MYOZ3: variants seen among roughly 807,000 people sequenced by gnomAD.
The protein encoded by MYOZ3 is myozenin-3.
In MYOZ3, 19 loss-of-function variants were observed where a neutral mutation model predicts 26.5. The observed-to-expected ratio is 0.72, with a 90% confidence interval of 0.50 to 1.05. The LOEUF (loss-of-function observed/expected upper bound fraction) is 1.05. MYOZ3 is among the 50% of genes least tolerant of loss of function. MYOZ3 has a pLI of 0.00. For synonymous variants in MYOZ3, 135 were observed against 138.8 expected, an observed-to-expected ratio of 0.97 and a Z score of 0.19; for missense variants, 322 against 337.1, an observed-to-expected ratio of 0.96 and a Z score of 0.35.
At chr5:150,664,299 C>A (rs993909072) in intron 2 of MYOZ3, among the ~76,000 whole-genome samples, 2 of 152,164 alleles carry the variant, frequency 1.3e-5, no homozygotes, top group African/African-American at 4.8e-5. Context: ...TATGCACATT[C>A]TATGGGTACT....
chr5:150,662,939 A>T lies in MYOZ3; in HGVS notation c.-1-2A>T. 3 of 1,610,716 alleles carry T rather than the reference A, an allele frequency of 1.9e-6. No individual in the cohort carries two copies. The highest frequency in any genetic ancestry group is 2.5e-6 in the Non-Finnish European group (3 of 1,178,526). On this transcript the variant is annotated splice_acceptor_variant, in intron 1 of 6. Coordinates refer to ENST00000517768, the MANE Select transcript of MYOZ3 (RefSeq NM_001122853.3). LOFTEE classifies it low-confidence loss of function (5UTR_SPLICE). Reference sequence around the variant, plus strand: ...CCATTTATGGGGGTCTCTCCTCCACAGGATGATCCCCAAGGAGCAGAAGGG... The same window carrying T: ...CCATTTATGGGGGTCTCTCCTCCACTGGATGATCCCCAAGGAGCAGAAGGG...
rs1759035132 is a variant in MYOZ3, at chr5:150,677,480, A to C, written c.*605A>C. 1 of 152,552 alleles carries C rather than the reference A, an allele frequency of 6.6e-6. No individual in the cohort carries two copies. Among genetic ancestry groups the C allele is most frequent in the African/African-American group, 2.4e-5 (1 of 41,426 alleles). The allele number at this position is 152,552 out of a possible 1,614,324, so 9.4% of individuals were successfully genotyped here. A position where few individuals can be genotyped will look rare whatever the true frequency, so the allele number is the denominator to read the frequency against. On this transcript the variant is annotated 3_prime_UTR_variant, in exon 7 of 7. Coordinates refer to ENST00000517768, the MANE Select transcript of MYOZ3 (RefSeq NM_001122853.3). ...CAGTACTCCAGGTGATTCCAGCATA[A>C]CTTATCCATGGTTTGTGTCATTAGG...
At chr5:150,674,149 C>T (rs1758969146) in intron 6 of MYOZ3, among the ~76,000 whole-genome samples, 1 of 152,202 alleles carries the variant, frequency 6.6e-6, no homozygotes, top group South Asian at 2.1e-4. Context: ...AGTCACGAGC[C>T]ATTAACAGAC....
chr5:150,671,690 G>T, intron 4 of MYOZ3, 40 bp downstream of exon 4: 1 of 1,613,722 alleles, frequency 6.2e-7, no homozygotes, highest in Non-Finnish European at 8.5e-7. Context: ...GAAGCTGGGG[G>T]AAGGGGAGCG....
intron 1 of MYOZ3, among the ~76,000 whole-genome samples, chr5:150,662,336 G>A (rs762551411): frequency 6.6e-6 from 1 of 152,154 alleles, no homozygotes; most frequent in Admixed American, 6.5e-5. Context: ...GAAGGGACGA[G>A]GGAGAAGAGA....
chr5:150,669,003 C>T (rs1404055608), intron 2 of MYOZ3: 2 of 152,252 alleles, frequency 1.3e-5, no homozygotes, highest in Non-Finnish European at 2.9e-5. Context: ...AGCACCACTA[C>T]TTAGATGCCT....
At chr5:150,674,738 C>A (rs866238887) in intron 6 of MYOZ3, among the ~76,000 whole-genome samples, 1 of 152,178 alleles carries the variant, frequency 6.6e-6, no homozygotes. Context: ...TAAGGCCGGG[C>A]GCAGTGGCTC....
At chr5:150,674,280 G>C (rs1758970833) in intron 6 of MYOZ3, among the ~76,000 whole-genome samples, 1 of 152,188 alleles carries the variant, frequency 6.6e-6, no homozygotes, top group Admixed American at 6.5e-5. Flanking sequence ...TTCCAGGCTG[G>C]GCCACTCAGG....
intron 6 of MYOZ3, among the ~76,000 whole-genome samples, chr5:150,676,087 A>C (rs1278407377): frequency 2.0e-5 from 3 of 151,894 alleles, no homozygotes; most frequent in Admixed American, 6.6e-5. Context: ...TTCTCTCTCT[A>C]GTTTTGGGCC....
Position 150,676,952 on chromosome 5 carries a change from A to G in MYOZ3, c.*77A>G. 6.9e-7 allele frequency: 1 copy of G among 1,450,152 alleles called. No homozygotes were observed. The highest frequency in any genetic ancestry group is 2.3e-5 in the East Asian group (1 of 43,554). 89.8% of individuals were successfully genotyped at this position (1,450,152 alleles called of 1,614,324 possible). On this transcript the variant is annotated 3_prime_UTR_variant, in exon 7 of 7. Transcript: ENST00000517768. Reference sequence around the variant, plus strand: ...AGCCAAGACTTGTGGACAGCACTTCACAGTTGAAGAAGGGCCTTCACACAC... The same window carrying G: ...AGCCAAGACTTGTGGACAGCACTTCGCAGTTGAAGAAGGGCCTTCACACAC...
At chr5:150,664,671 A>C (rs1758781683) in intron 2 of MYOZ3, among the ~76,000 whole-genome samples, 2 of 152,194 alleles carry the variant, frequency 1.3e-5, no homozygotes, top group African/African-American at 4.8e-5. Flanking sequence ...GGAAATGAGA[A>C]TATTGAGGCT....
At chr5:150,673,549 C>T (rs1758958336) in intron 6 of MYOZ3, among the ~76,000 whole-genome samples, 1 of 152,054 alleles carries the variant, frequency 6.6e-6, no homozygotes, top group Non-Finnish European at 1.5e-5. Context: ...ACTATGTTGG[C>T]CGGGCTGGTC....
At chr5:150,662,833 C>A in intron 1 of MYOZ3, 108 bp from the exon 2 acceptor site, 2 of 921,974 alleles carry the variant, frequency 2.2e-6, no homozygotes, top group Middle Eastern at 2.6e-4. Context: ...TGATTTGGGG[C>A]TGGCCTAAAG....
At chr5:150,674,959 G>A (rs553028974) in intron 6 of MYOZ3, among the ~76,000 whole-genome samples, 17 of 152,300 alleles carry the variant, frequency 1.1e-4, no homozygotes, top group African/African-American at 4.1e-4. Context: ...GCAGTGTGCC[G>A]AGATCCTTCT....
Position 150,661,431 on chromosome 5 carries a change from C to G in MYOZ3, c.-2+4C>G, listed in dbSNP as rs1380438189. On this transcript the variant is annotated splice_donor_region_variant and intron_variant, in intron 1 of 6. Coordinates refer to ENST00000517768, the MANE Select transcript of MYOZ3 (RefSeq NM_001122853.3). ...TATTGTGGTCCCATCCTCTCAGGTA[C>G]CAGCATCCTAGGGGAGCTTGGGGAA... 4 of 152,364 alleles carry G rather than the reference C, an allele frequency of 2.6e-5. No individual in the cohort carries two copies. Among genetic ancestry groups the G allele is most frequent in the African/African-American group, 9.7e-5 (4 of 41,442 alleles). 9.4% of individuals were successfully genotyped at this position (152,364 alleles called of 1,614,324 possible). A position where few individuals can be genotyped will look rare whatever the true frequency, so the allele number is the denominator to read the frequency against.
At chr5:150,676,615 C>A in intron 6 of MYOZ3, 92 bp from the exon 7 acceptor site, 1 of 1,247,218 alleles carries the variant, frequency 8.0e-7, no homozygotes, top group Non-Finnish European at 1.1e-6. Context: ...CAGAGAGCGG[C>A]AGGGAGGGGC....
chr5:150,664,649 T>C (rs1048167886), intron 2 of MYOZ3, among the ~76,000 whole-genome samples: 3 of 152,188 alleles, frequency 2.0e-5, no homozygotes, highest in Non-Finnish European at 4.4e-5. Flanking sequence ...AGTTAGATAT[T>C]CTCCTCATTT....
In MYOZ3 at chr5:150,678,221, G is replaced by A. The variant is rs1759048324; in HGVS notation, c.*1346G>A. ...CACCTAACAGGACAGGTGCAAAGTG[G>A]GGTGCTTATTAAGATTCCTTCTTTC... On this transcript the variant is annotated 3_prime_UTR_variant, in exon 7 of 7. Coordinates refer to ENST00000517768, the MANE Select transcript of MYOZ3 (RefSeq NM_001122853.3). 6.6e-6 allele frequency: 1 copy of A among 152,250 alleles called. No homozygotes were observed. Among genetic ancestry groups the A allele is most frequent in the Admixed American group, 6.5e-5 (1 of 15,284 alleles). The allele number at this position is 152,250 out of a possible 1,614,324, so 9.4% of individuals were successfully genotyped here.
chr5:150,661,309 A>AT lies in MYOZ3; in HGVS notation c.-120_-119insT. On this transcript the variant is annotated 5_prime_UTR_variant, in exon 1 of 7. Coordinates refer to ENST00000517768, the MANE Select transcript of MYOZ3 (RefSeq NM_001122853.3). Reference sequence around the variant, plus strand: ...GCAGGGGACACCCTGCTCGCTGCCTACTGACTGCTGACCGCTGACTGCCTA... The same window carrying AT: ...GCAGGGGACACCCTGCTCGCTGCCTATCTGACTGCTGACCGCTGACTGCCTA... The AT allele has an allele frequency of 2.0e-5, 3 of 152,584 alleles. No homozygotes were observed. The South Asian group carries it at 6.2e-4, about 32-fold the overall frequency. The allele number at this position is 152,584 out of a possible 1,614,324, so 9.5% of individuals were successfully genotyped here. A position where few individuals can be genotyped will look rare whatever the true frequency, so the allele number is the denominator to read the frequency against.
Sources: gnomAD v4.1 joint callset for allele counts (sites outside exome capture counted in the v4.1 genomes callset) on GRCh38, gnomAD v4.1.1 for gene constraint, MANE v1.5 for transcripts, NCBI Gene and HGNC (gene_info 2026-07-23, HGNC 2026-07-21) for gene names.